ARMC3: variants seen among roughly 807,000 people sequenced by gnomAD.
ARMC3 encodes armadillo repeat containing 3, also known as armadillo repeat-containing protein 3.
A neutral mutation model predicts 90.3 loss-of-function variants in ARMC3; 74 were observed. That is an observed-to-expected ratio of 0.82 (90% CI 0.68 to 0.99). The LOEUF is 0.99. Ranked by LOEUF, ARMC3 falls within the 50% of genes least tolerant of loss-of-function variation. The pLI is 0.00. For synonymous variants in ARMC3, 334 were observed against 361.8 expected (o/e 0.92, Z 0.87); for missense variants, 958 against 1,042.8 (o/e 0.92, Z 1.12).
intron 3 of ARMC3, among the ~76,000 whole-genome samples, chr10:22,952,651 A>T (rs901842941): frequency 3.3e-5 from 5 of 152,238 alleles, no homozygotes; most frequent in Non-Finnish European, 5.9e-5. Flanking sequence ...ATTGAAAAGG[A>T]TGGCATACTT....
intron 16 of ARMC3, among the ~76,000 whole-genome samples, chr10:23,018,676 C>T (rs1838386180): frequency 6.6e-6 from 1 of 152,064 alleles, no homozygotes; most frequent in Non-Finnish European, 1.5e-5. Context: ...GCCACCACAC[C>T]TGGCTAATTT....
At chr10:22,947,177 A>G (rs1227374236) in intron 3 of ARMC3, among the ~76,000 whole-genome samples, 1 of 152,022 alleles carries the variant, frequency 6.6e-6, no homozygotes, top group Non-Finnish European at 1.5e-5. Flanking sequence ...ATGATGGCAC[A>G]TGTCTGTAGT....
At chr10:22,946,083 A>G in intron 2 of ARMC3, 61 bp from the exon 3 acceptor site, 1 of 1,239,502 alleles carries the variant, frequency 8.1e-7, no homozygotes. Flanking sequence ...AGACCCATTC[A>G]TTTTTAATGT....
chr10:22,985,187 G>T (rs1257730457), intron 10 of ARMC3, among the ~76,000 whole-genome samples: 1 of 151,220 alleles, frequency 6.6e-6, no homozygotes, highest in Non-Finnish European at 1.5e-5. Context: ...AGCCTCTGCA[G>T]TGAGCTCCCT....
intron 8 of ARMC3, 71 bp downstream of exon 8, chr10:22,968,560 C>A: frequency 2.2e-6 from 3 of 1,351,778 alleles, no homozygotes; most frequent in Non-Finnish European, 3.0e-6. Flanking sequence ...AGTGCTGTGG[C>A]GTGATCACAG....
intron 16 of ARMC3, among the ~76,000 whole-genome samples, chr10:23,023,276 G>T (rs1054369606): frequency 2.0e-5 from 3 of 152,106 alleles, no homozygotes; most frequent in African/African-American, 7.2e-5. Context: ...AGAAAAACAC[G>T]TACACTCACT....
At chr10:23,031,013 A>G (rs1838908133) in intron 17 of ARMC3, 1 of 486,162 alleles carries the variant, frequency 2.1e-6, no homozygotes, top group South Asian at 3.5e-5. Context: ...AATTGCTTCA[A>G]GAAAAATGCC....
chr10:22,997,454 A>G (rs1331383522), intron 10 of ARMC3: 1 of 152,258 alleles, frequency 6.6e-6, no homozygotes, highest in Non-Finnish European at 1.5e-5. Context: ...TACTAGAGAC[A>G]GGAAATTTAA....
chr10:23,012,445 C>G (rs1339681786), intron 16 of ARMC3, among the ~76,000 whole-genome samples: 1 of 152,154 alleles, frequency 6.6e-6, no homozygotes, highest in Non-Finnish European at 1.5e-5. Flanking sequence ...CACTCCAAAG[C>G]TGAGACCCTT....
rs1834914654 is a variant in ARMC3, at chr10:22,955,817, TA to T, written c.181del (p.Thr61GlnfsTer12). The T allele has an allele frequency of 6.2e-7, 1 of 1,613,522 alleles. No homozygotes were observed. On this transcript the variant is annotated frameshift_variant, in exon 4 of 19. Transcript: ENST00000298032. LOFTEE classifies it high-confidence loss of function. ...YKFALKGEEN[K>X]TTLLELGAVE... Reference sequence around the variant, plus strand: ...TACGTGTGATGTCAGGTGAGGAAAATAAAACAACCCTCCTTGAACTTGGAGC... The same window carrying T: ...TACGTGTGATGTCAGGTGAGGAAAATAAACAACCCTCCTTGAACTTGGAGC...
chr10:23,033,168 T>C, intron 18 of ARMC3, 145 bp downstream of exon 18: 8 of 727,288 alleles, frequency 1.1e-5, no homozygotes, highest in Non-Finnish European at 1.8e-5. Context: ...AGTGTATATA[T>C]ACTTATATAC....
intron 2 of ARMC3, among the ~76,000 whole-genome samples, chr10:22,940,877 G>C (rs1197388906): frequency 6.6e-6 from 1 of 152,186 alleles, no homozygotes; most frequent in Non-Finnish European, 1.5e-5. Context: ...GAAAACATTT[G>C]TCCATAACAA....
At chr10:22,929,746 T>A (rs1833859878) in intron 1 of ARMC3, among the ~76,000 whole-genome samples, 1 of 152,212 alleles carries the variant, frequency 6.6e-6, no homozygotes, top group Admixed American at 6.5e-5. Context: ...AGACAGAGTT[T>A]TGCCATGTTG....
intron 16 of ARMC3, among the ~76,000 whole-genome samples, chr10:23,017,965 G>A (rs1838349328): frequency 6.6e-6 from 1 of 152,230 alleles, no homozygotes; most frequent in Non-Finnish European, 1.5e-5. Context: ...AACAAGGTGT[G>A]TAAGAAAATC....
intron 12 of ARMC3, among the ~76,000 whole-genome samples, chr10:23,002,899 G>T (rs1434071876): frequency 1.3e-5 from 2 of 152,060 alleles, no homozygotes; most frequent in Admixed American, 1.3e-4. Context: ...CTATAGACAG[G>T]TTTCATTTAT....
At chr10:23,030,450 A>G (rs185864510) in intron 16 of ARMC3, 146 bp from the exon 17 acceptor site, 187 of 1,378,914 alleles carry the variant, frequency 1.4e-4, no homozygotes, top group Middle Eastern at 4.9e-4. Context: ...AAATCCACAT[A>G]TAAGTGGATC....
chr10:23,022,140 T>G (rs1444840554), intron 16 of ARMC3, among the ~76,000 whole-genome samples: 1 of 152,224 alleles, frequency 6.6e-6, no homozygotes, highest in African/African-American at 2.4e-5. Flanking sequence ...GATTTCCTCC[T>G]TTGTTTTCTT....
chr10:23,028,182 T>A (rs903594034), intron 16 of ARMC3, among the ~76,000 whole-genome samples: 7 of 152,102 alleles, frequency 4.6e-5, no homozygotes, highest in African/African-American at 7.2e-5. Flanking sequence ...AATTTTGTTC[T>A]GGGTGTTGTT....
chr10:23,013,721 A>G (rs898398584), intron 16 of ARMC3, among the ~76,000 whole-genome samples: 3 of 152,176 alleles, frequency 2.0e-5, no homozygotes, highest in Non-Finnish European at 4.4e-5. Context: ...TCTCCAGAAC[A>G]CAGCCCTTAG....
Sources: allele counts gnomAD v4.1 joint callset (sites outside exome capture counted in the v4.1 genomes callset), GRCh38; gene constraint gnomAD v4.1.1; transcripts MANE v1.5; gene names NCBI Gene and HGNC (gene_info 2026-07-23, HGNC 2026-07-21).